MAP6: variants seen among roughly 807,000 people sequenced by gnomAD.
The protein encoded by MAP6 is microtubule associated protein 6.
A neutral mutation model predicts 42.4 loss-of-function variants in MAP6; 26 were observed. The ratio of observed to expected loss-of-function variants is 0.61; its 90% CI spans 0.45 to 0.85. The LOEUF (loss-of-function observed/expected upper bound fraction) is 0.85. Among genes scored for constraint, MAP6 ranks in the 40% least tolerant of loss-of-function variants. MAP6 has a pLI of 0.00. For synonymous variants in MAP6, 418 were observed against 443.8 expected (o/e 0.94, Z 0.73); for missense variants, 966 against 1,099.0 (o/e 0.88, Z 1.71).
At chr11:75,649,695 C>T (rs577207207) in intron 1 of MAP6, among the ~76,000 whole-genome samples, 2 of 152,138 alleles carry the variant, frequency 1.3e-5, no homozygotes, top group East Asian at 3.9e-4. Context: ...CGCGCACCAC[C>T]ACACACAGCT....
chr11:75,610,024 C>T (rs1056065280), intron 1 of MAP6, among the ~76,000 whole-genome samples: 4 of 152,060 alleles, frequency 2.6e-5, no homozygotes, highest in African/African-American at 9.7e-5. Context: ...GGACTGGTGG[C>T]TTTTATAAGA....
intron 3 of MAP6, among the ~76,000 whole-genome samples, chr11:75,592,818 A>G (rs1238760247): frequency 6.6e-6 from 1 of 152,016 alleles, no homozygotes; most frequent in East Asian, 1.9e-4. Context: ...TGGCCAATCT[A>G]CCCACTTCCT....
intron 3 of MAP6, chr11:75,605,443 G>C (rs1463363190): frequency 6.9e-6 from 7 of 1,018,604 alleles, no homozygotes; most frequent in Non-Finnish European, 7.0e-6. Flanking sequence ...CAGATCTTGG[G>C]GATCTGGGAG....
chr11:75,643,519 C>T (rs901118963), intron 1 of MAP6, among the ~76,000 whole-genome samples: 2 of 152,324 alleles, frequency 1.3e-5, no homozygotes, highest in Middle Eastern at 3.4e-3. Context: ...CTCACTTCAA[C>T]TGTGAAGTCT....
chr11:75,644,336 C>CG (rs1943522321), intron 1 of MAP6, among the ~76,000 whole-genome samples: 1 of 152,132 alleles, frequency 6.6e-6, no homozygotes, highest in Non-Finnish European at 1.5e-5. Context: ...ATCTATCTGA[C>CG]AGAGTTGTGA....
At chr11:75,631,639 T>C (rs754028193) in intron 1 of MAP6, among the ~76,000 whole-genome samples, 1 of 152,178 alleles carries the variant, frequency 6.6e-6, no homozygotes, top group Non-Finnish European at 1.5e-5. Context: ...GGTGATGAGA[T>C]GATCAAGTGC....
intron 1 of MAP6, among the ~76,000 whole-genome samples, chr11:75,662,611 T>G (rs1217482325): frequency 6.6e-6 from 1 of 152,244 alleles, no homozygotes; most frequent in Non-Finnish European, 1.5e-5. Flanking sequence ...TATGAGGATG[T>G]GGCCCAGGAA....
intron 1 of MAP6, among the ~76,000 whole-genome samples, chr11:75,634,219 A>G (rs527788281): frequency 4.6e-5 from 7 of 152,360 alleles, no homozygotes; most frequent in African/African-American, 1.7e-4. Flanking sequence ...GAGAAGATTT[A>G]TTCTACTTTA....
chr11:75,593,011 C>T (rs1942508125), intron 3 of MAP6, among the ~76,000 whole-genome samples: 1 of 152,258 alleles, frequency 6.6e-6, no homozygotes, highest in Non-Finnish European at 1.5e-5. Context: ...TCTCAGCTCA[C>T]TGAAGCACTG....
intron 1 of MAP6, among the ~76,000 whole-genome samples, chr11:75,656,921 C>A (rs1943758541): frequency 6.6e-6 from 1 of 152,180 alleles, no homozygotes; most frequent in Non-Finnish European, 1.5e-5. Context: ...TCAGAAGTTT[C>A]TCCTGTGCTC....
Position 75,587,300 on chromosome 11 carries a change from G to C in MAP6, c.2201C>G (p.Pro734Arg). Residue 734 changes from proline (P) to arginine (R), a missense_variant, in exon 4 of 4, where the codon CCT becomes CGT. Coordinates refer to ENST00000304771, the MANE Select transcript of MAP6 (RefSeq NM_033063.2). Reference sequence around the variant, plus strand: ...GACTATACGACCTTGATTCTTTGGAGGCTGTAGGACTGTGGGGCCTTGATC... The same window carrying C: ...GACTATACGACCTTGATTCTTTGGACGCTGTAGGACTGTGGGGCCTTGATC... ...VKDQGPTVLQ[P>R]PKNQGRIVPE... 1 of 1,614,154 alleles carries C rather than the reference G, an allele frequency of 6.2e-7. No individual in the cohort carries two copies. The highest frequency in any genetic ancestry group is 1.1e-5 in the South Asian group (1 of 91,078).
chr11:75,616,942 AG>A (rs1201805264), intron 1 of MAP6, among the ~76,000 whole-genome samples: 14 of 152,338 alleles, frequency 9.2e-5, no homozygotes, highest in African/African-American at 3.4e-4. Context: ...TATAAAGAAA[AG>A]TTTGAAGCTA....
At chr11:75,634,079 G>A (rs1004508453) in intron 1 of MAP6, among the ~76,000 whole-genome samples, 4 of 152,156 alleles carry the variant, frequency 2.6e-5, no homozygotes, top group Admixed American at 6.5e-5. Flanking sequence ...CGGGGTGGGC[G>A]ACAGTAGCTG....
chr11:75,597,908 G>A (rs1942609881), intron 3 of MAP6, among the ~76,000 whole-genome samples: 1 of 152,200 alleles, frequency 6.6e-6, no homozygotes, highest in African/African-American at 2.4e-5. Flanking sequence ...TACTGTTAGG[G>A]ACCAGGGGCA....
At chr11:75,644,358 A>AATGT (rs983639221) in intron 1 of MAP6, among the ~76,000 whole-genome samples, 1 of 152,180 alleles carries the variant, frequency 6.6e-6, no homozygotes, top group Admixed American at 6.5e-5. Context: ...GACTAGATAT[A>AATGT]ATGTACACAA....
At chr11:75,659,208 G>A (rs576486240) in intron 1 of MAP6, among the ~76,000 whole-genome samples, 3 of 152,308 alleles carry the variant, frequency 2.0e-5, no homozygotes, top group African/African-American at 4.8e-5. Flanking sequence ...GGGGCTGAGC[G>A]CGGTGGCTCA....
intron 1 of MAP6, among the ~76,000 whole-genome samples, chr11:75,663,971 T>G (rs996598073): frequency 6.6e-6 from 1 of 152,236 alleles, no homozygotes; most frequent in Non-Finnish European, 1.5e-5. Context: ...AGTTTCTCAT[T>G]AGCATTTCTA....
Position 75,608,093 on chromosome 11 carries a change from A to G in MAP6, c.1119+16T>C, listed in dbSNP as rs761510299. On this transcript the variant is annotated intron_variant, in intron 2 of 3. Transcript: ENST00000304771. ...GTCCAGGCTGTGCTGATGGGTTCCCACAAGGTCTGTCTCACCTTTGGGGGT... is the reference window on the plus strand; with the variant it reads ...GTCCAGGCTGTGCTGATGGGTTCCCGCAAGGTCTGTCTCACCTTTGGGGGT... 1 of 1,611,986 alleles carries G rather than the reference A, an allele frequency of 6.2e-7. No individual in the cohort carries two copies. Among genetic ancestry groups the G allele is most frequent in the Non-Finnish European group, 8.5e-7 (1 of 1,179,022 alleles).
chr11:75,632,106 A>G (rs139840191), intron 1 of MAP6, among the ~76,000 whole-genome samples: 139 of 152,334 alleles, frequency 9.1e-4, no homozygotes, highest in African/African-American at 3.3e-3. Flanking sequence ...GCTCTGTGAC[A>G]TTAGAGGCAA....
Sources: gnomAD v4.1 joint callset for allele counts (sites outside exome capture counted in the v4.1 genomes callset) on GRCh38, gnomAD v4.1.1 for gene constraint, MANE v1.5 for transcripts, NCBI Gene and HGNC (gene_info 2026-07-23, HGNC 2026-07-21) for gene names.